Variants in SLC44A2 observed in about 807,000 individuals in gnomAD.
SLC44A2 encodes choline transporter-like protein 2.
Under a neutral mutation model 90.8 loss-of-function variants are expected in SLC44A2, and 57 were observed. The observed-to-expected ratio is 0.63, with a 90% CI of 0.51 to 0.78. The LOEUF is 0.78. Among genes scored for constraint, SLC44A2 ranks in the 30% least tolerant of loss-of-function variants. The probability of loss-of-function intolerance (pLI) is 0.00; values close to 1 mark genes in which losing one functional copy is unlikely to be tolerated. For missense variants in SLC44A2, 794 were observed against 919.7 expected (o/e 0.86, Z 1.77); for synonymous variants, 355 against 360.7 (o/e 0.98, Z 0.18).
chr19:10,618,979 TTTG>T (rs1452113325), intron 1 of SLC44A2, among the ~76,000 whole-genome samples: 1 of 148,034 alleles, frequency 6.8e-6, no homozygotes, highest in Non-Finnish European at 1.5e-5. Flanking sequence ...TTTTTTTTTT[TTTG>T]GATACAGGGT....
At chr19:10,637,318 C>T (rs2067068319) in intron 16 of SLC44A2, among the ~76,000 whole-genome samples, 1 of 152,104 alleles carries the variant, frequency 6.6e-6, no homozygotes, top group Non-Finnish European at 1.5e-5. Context: ...AGCGACTGCA[C>T]TCCAGCCTGG....
chr19:10,620,967 A>C (rs1158573943), upstream of SLC44A2, among the ~76,000 whole-genome samples: 1 of 151,750 alleles, frequency 6.6e-6, no homozygotes, highest in African/African-American at 2.4e-5. Context: ...TGAGCCTAGG[A>C]GGTTTAGGCT....
intron 20 of SLC44A2, among the ~76,000 whole-genome samples, chr19:10,640,521 G>A (rs2067104301): frequency 6.6e-6 from 1 of 152,028 alleles, no homozygotes; most frequent in African/African-American, 2.4e-5. Flanking sequence ...TTGAACTCTG[G>A]ACTCAAGGGA....
intron 14 of SLC44A2, chr19:10,636,116 C>T: frequency 1.6e-6 from 1 of 617,114 alleles, no homozygotes; most frequent in Non-Finnish European, 2.7e-6. Flanking sequence ...ATGCCCTCTT[C>T]TTGACCCCAG....
chr19:10,635,018 A>G lies in SLC44A2; in HGVS notation c.1000A>G (p.Ile334Val). ...ILEVIIILLL[I>V]FLRKRILIAI... ...TGAAGTCATTATCATCTTGCTGCTC[A>G]TCTTTCTCCGGAAGAGAATTCTCAT... The change falls in exon 12 of 22, where the codon ATC becomes GTC. Residue 334 changes from isoleucine to valine, a missense_variant. Transcript: ENST00000335757. The G allele has an allele frequency of 2.5e-6, 4 of 1,614,174 alleles. No individual in the cohort carries two copies. The highest frequency in any genetic ancestry group is 3.4e-6 in the Non-Finnish European group (4 of 1,180,044).
At chr19:10,629,494 T>C (rs1032314920) in intron 4 of SLC44A2, among the ~76,000 whole-genome samples, 1 of 151,560 alleles carries the variant, frequency 6.6e-6, no homozygotes, top group Non-Finnish European at 1.5e-5. Context: ...GTCAGGCTGG[T>C]CTCGAACTCC....
chr19:10,635,528 G>C lies in SLC44A2; in HGVS notation c.1233+13G>C. 1 of 1,608,754 alleles carries C rather than the reference G, an allele frequency of 6.2e-7. No individual in the cohort carries two copies. The highest frequency in any genetic ancestry group is 8.5e-7 in the Non-Finnish European group (1 of 1,177,902). On this transcript the variant is annotated intron_variant, in intron 14 of 21. Coordinates refer to ENST00000335757, the MANE Select transcript of SLC44A2 (RefSeq NM_020428.4). ...CTGCAACCCAGAGGTGGGCGTCCCC[G>C]GGGTGGGGAGGGCAGGTATTGCCCC...
At chr19:10,624,568 C>T (rs2066915071), upstream of SLC44A2, among the ~76,000 whole-genome samples, 1 of 152,254 alleles carries the variant, frequency 6.6e-6, no homozygotes, top group East Asian at 1.9e-4. Context: ...GCTGGGATTA[C>T]AGGCATGAGC....
intron 17 of SLC44A2, 22 bp from the exon 18 acceptor site, chr19:10,637,834 T>C (rs1430302921): frequency 1.9e-6 from 3 of 1,613,742 alleles, no homozygotes; most frequent in Non-Finnish European, 2.5e-6. Context: ...GGGTCTGATC[T>C]CTCCCTCCCA....
chr19:10,636,336 C>A lies in SLC44A2; in HGVS notation c.1247C>A (p.Ser416Tyr). The A allele has an allele frequency of 6.2e-7, 1 of 1,612,736 alleles. No homozygotes were observed. Among genetic ancestry groups the A allele is most frequent in the South Asian group, 1.1e-5 (1 of 91,026 alleles). Reference sequence around the variant, plus strand: ...TCTCTCCCACAGACCTTCCCCTCCTCCAATGAGTCCCGCCAATGCCCCAAT... The same window carrying A: ...TCTCTCCCACAGACCTTCCCCTCCTACAATGAGTCCCGCCAATGCCCCAAT... ...KTCNPETFPS[S>Y]NESRQCPNAR... is the part of the protein sequence containing the mutation. Residue 416 changes from serine to tyrosine, a missense_variant, in exon 15 of 22, where the codon TCC becomes TAC. Coordinates refer to ENST00000335757, the MANE Select transcript of SLC44A2 (RefSeq NM_020428.4).
intron 4 of SLC44A2, among the ~76,000 whole-genome samples, chr19:10,628,834 C>T (rs1033787980): frequency 6.6e-6 from 1 of 152,094 alleles, no homozygotes; most frequent in Admixed American, 6.6e-5. Context: ...CCTCGTTTTC[C>T]TCATCTCTAA....
At chr19:10,627,352 A>G (rs2066944570) in intron 2 of SLC44A2, among the ~76,000 whole-genome samples, 1 of 151,496 alleles carries the variant, frequency 6.6e-6, no homozygotes, top group Non-Finnish European at 1.5e-5. Flanking sequence ...CTTGGGCAAC[A>G]TAGCGAGACC....
rs2067057073 is a variant in SLC44A2, at chr19:10,636,543, T to C, written c.1454T>C (p.Leu485Pro). The C allele has an allele frequency of 6.2e-7, 1 of 1,608,478 alleles. No individual in the cohort carries two copies. Among genetic ancestry groups the C allele is most frequent in the African/African-American group, 1.3e-5 (1 of 74,916 alleles). The change falls in exon 15 of 22, where the codon CTG becomes CCG. Residue 485 changes from leucine to proline, a missense_variant. Transcript: ENST00000335757. ...TGGGCCCTGCGCAAGCCGGACGACCTGCCGGCCTTCCCGCTCTTCTCTGCC... is the reference window on the plus strand; with the variant it reads ...TGGGCCCTGCGCAAGCCGGACGACCCGCCGGCCTTCCCGCTCTTCTCTGCC... ...YYWALRKPDD[L>P]PAFPLFSAFG...
In SLC44A2 at chr19:10,627,758, C is replaced by T; in HGVS notation, c.123C>T (p.Leu41=). The T allele has an allele frequency of 6.2e-7, 1 of 1,613,862 alleles. No individual in the cohort carries two copies. Among genetic ancestry groups the T allele is most frequent in the East Asian group, 2.2e-5 (1 of 44,876 alleles). Residue 41 remains leucine (L), a synonymous_variant, in exon 3 of 22, where the codon CTC becomes CTT. Transcript: ENST00000335757. Reference sequence around the variant, plus strand: ...ATATCATATGCTGTGTGTTCCTGCTCCTGGCCATTGTGGGCTACGTGGCTG... The same window carrying T: ...ATATCATATGCTGTGTGTTCCTGCTTCTGGCCATTGTGGGCTACGTGGCTG... ...CTDIICCVFL[L]LAIVGYVAVG...
chr19:10,632,677 C>CTT (rs35340369), intron 10 of SLC44A2, among the ~76,000 whole-genome samples: 1 of 146,472 alleles, frequency 6.8e-6, no homozygotes. Context: ...CAATTTCTTT[C>CTT]TTTTTTTTTT....
rs1463024880 is a variant in SLC44A2 at position 10,614,997 on chromosome 19, AAAG to A, written c.32-11253_32-11251del. Among the ~76,000 whole-genome samples, 4 of 151,198 alleles carry A rather than the reference AAAG, an allele frequency of 2.6e-5. No homozygotes were observed. The East Asian group carries it at 5.8e-4, about 22-fold the overall frequency. ...AAAAAAAAAAAAAAAAAGAAGAAGAAAAGAAAAGAAAATGTTATTAAGTTGGTG... is the reference window on the plus strand; with the variant it reads ...AAAAAAAAAAAAAAAAAGAAGAAGAAAAAAGAAAATGTTATTAAGTTGGTG... On this transcript the variant is annotated intron_variant, in intron 1 of 21. Transcript: ENST00000407327.
upstream of SLC44A2, among the ~76,000 whole-genome samples, chr19:10,623,069 C>T (rs1270393402): frequency 6.6e-6 from 1 of 152,036 alleles, no homozygotes; most frequent in Non-Finnish European, 1.5e-5. Context: ...AATAAATTGT[C>T]CCCAGGGCAC....
upstream of SLC44A2, among the ~76,000 whole-genome samples, chr19:10,622,357 A>G (rs947307119): frequency 6.6e-6 from 1 of 151,964 alleles, no homozygotes; most frequent in African/African-American, 2.4e-5. Context: ...GAGGTTTCTG[A>G]GCAGAGCAGG....
In SLC44A2 at chr19:10,631,690, G is replaced by A. The variant is rs753988196; in HGVS notation, c.567G>A (p.Thr189=). Residue 189 remains threonine, a synonymous_variant, in exon 8 of 22, where the codon ACG becomes ACA. Transcript: ENST00000335757. The stretch of plus-strand genomic sequence containing the variant: ...GTGTCCTGATGGTGGGCAATGAGAC[G>A]ACCTATGAGGATGGGCATGGCTCCC... The part of the protein sequence containing the change: ...YKGVLMVGNE[T]TYEDGHGSRK... 5 of 1,613,132 alleles carry A rather than the reference G, an allele frequency of 3.1e-6. No homozygotes were observed. Among genetic ancestry groups the A allele is most frequent in the Middle Eastern group, 1.6e-4 (1 of 6,062 alleles).
Sources: gnomAD v4.1 joint callset for allele counts (sites outside exome capture counted in the v4.1 genomes callset) on GRCh38, gnomAD v4.1.1 for gene constraint, MANE v1.5 for transcripts, NCBI Gene and HGNC (gene_info 2026-07-23, HGNC 2026-07-21) for gene names.